The following TAMM41 variants were observed in gnomAD, a reference collection of about 807,000 sequenced individuals.
TAMM41 encodes phosphatidate cytidylyltransferase, mitochondrial.
TAMM41 carries 36 observed loss-of-function variants against 44.1 expected under a neutral mutation model. The ratio of observed to expected loss-of-function variants is 0.82; its 90% CI spans 0.63 to 1.08. The LOEUF is 1.08. Among genes scored for constraint, TAMM41 ranks in the 50% least tolerant of loss-of-function variants. The pLI, the probability that TAMM41 is intolerant of heterozygous loss-of-function variation, is 0.00. For missense variants in TAMM41, 417 were observed against 404.3 expected (o/e 1.03, Z -0.27); for synonymous variants, 164 against 153.1 (o/e 1.07, Z -0.53).
chr3:11,746,001 T>C, the TAMM41 span, among the ~76,000 whole-genome samples: 1 of 152,158 alleles, frequency 6.6e-6, no homozygotes, highest in African/African-American at 2.4e-5. Context: ...GCACTTTTTA[T>C]AAACATTTAA....
At chr3:11,770,304 A>T in the TAMM41 span, among the ~76,000 whole-genome samples, 21 of 152,050 alleles carry the variant, frequency 1.4e-4, no homozygotes, top group Non-Finnish European at 5.9e-5. Context: ...CCCCATAAAA[A>T]CATGCACCCT....
At chr3:11,781,186 T>G in the TAMM41 span, among the ~76,000 whole-genome samples, 2 of 152,210 alleles carry the variant, frequency 1.3e-5, no homozygotes, top group Non-Finnish European at 2.9e-5. Flanking sequence ...CCTGGAATTT[T>G]AGGGACTTTC....
At chr3:11,759,832 G>A in the TAMM41 span, among the ~76,000 whole-genome samples, 1 of 151,920 alleles carries the variant, frequency 6.6e-6, no homozygotes, top group African/African-American at 2.4e-5. Flanking sequence ...AAATTAGCTG[G>A]GCGTGGTGGC....
the TAMM41 span, among the ~76,000 whole-genome samples, chr3:11,758,987 A>T: frequency 2.0e-5 from 3 of 152,134 alleles, no homozygotes; most frequent in African/African-American, 7.2e-5. Context: ...AATATAATTT[A>T]CCCTCATATT....
chr3:11,763,500 G>A, the TAMM41 span, among the ~76,000 whole-genome samples: 2 of 152,164 alleles, frequency 1.3e-5, no homozygotes, highest in East Asian at 1.9e-4. Context: ...TCATGCAGTG[G>A]TCTGAAGGAG....
the TAMM41 span, among the ~76,000 whole-genome samples, chr3:11,748,953 C>T: frequency 1.4e-5 from 2 of 140,282 alleles, no homozygotes; most frequent in Non-Finnish European, 3.0e-5. Context: ...CACTCTGTCA[C>T]CCAGGGTGGA....
chr3:11,761,792 C>T, the TAMM41 span, among the ~76,000 whole-genome samples: 1 of 151,418 alleles, frequency 6.6e-6, no homozygotes, highest in Admixed American at 6.6e-5. Flanking sequence ...ACTAAAAATA[C>T]AAAAATTAGC....
intron 4 of TAMM41, among the ~76,000 whole-genome samples, chr3:11,821,829 C>A (rs1443089442): frequency 6.6e-6 from 1 of 152,092 alleles, no homozygotes; most frequent in Non-Finnish European, 1.5e-5. Flanking sequence ...CAATGGAGAT[C>A]CAGGTTGGGC....
rs116090379 is a variant in TAMM41 at position 11,792,186 on chromosome 3, G to T, written c.938-1605C>A. ...CACCATGTAGCCATTTTTTTTTTTT[G>T]TTGCTGCTAGTGGACAGAAATCTCC... On this transcript the variant is annotated intron_variant, in intron 7 of 7. Coordinates refer to ENST00000455809, the MANE Select transcript of TAMM41 (RefSeq NM_001284401.2). 5.5e-3 allele frequency among the ~76,000 whole-genome samples: 785 copies of T among 142,454 alleles called. 5 individuals carry two copies. Among genetic ancestry groups the T allele is most frequent in the Middle Eastern group, 0.038 (11 of 292 alleles). The allele number at this position is 142,454 out of a possible 152,430, so 93.5% of individuals were successfully genotyped here.
the TAMM41 span, among the ~76,000 whole-genome samples, chr3:11,753,369 G>C: frequency 6.6e-6 from 1 of 152,158 alleles, no homozygotes; most frequent in African/African-American, 2.4e-5. Flanking sequence ...GGGAGGCAAA[G>C]GATGCAGTGA....
At position 11,846,760 on chromosome 3, in the gene TAMM41, G is replaced by T; in HGVS notation, c.-124C>A. 2.4e-6 allele frequency: 3 copies of T among 1,270,776 alleles called. No individual in the cohort carries two copies. The highest frequency in any genetic ancestry group is 3.3e-6 in the Non-Finnish European group (3 of 905,546). The allele number at this position is 1,270,776 out of a possible 1,614,324, so 78.7% of individuals were successfully genotyped here. On this transcript the variant is annotated 5_prime_UTR_variant, in exon 1 of 8. Transcript: ENST00000455809. Reference sequence around the variant, plus strand: ...CGGAGACTGGATCGAGGGACACAAGGCTGAGTGTGGGGTGGGACTGCAAGC... The same window carrying T: ...CGGAGACTGGATCGAGGGACACAAGTCTGAGTGTGGGGTGGGACTGCAAGC...
At chr3:11,792,327 T>C (rs1220211253) in intron 7 of TAMM41, among the ~76,000 whole-genome samples, 2 of 152,220 alleles carry the variant, frequency 1.3e-5, no homozygotes, top group South Asian at 2.1e-4. Flanking sequence ...ACCTGGACTC[T>C]AGTTCCAGGT....
intron 7 of TAMM41, among the ~76,000 whole-genome samples, chr3:11,792,431 G>C (rs1010546867): frequency 6.6e-6 from 1 of 152,034 alleles, no homozygotes; most frequent in Non-Finnish European, 1.5e-5. Context: ...TCTAACAAGG[G>C]GTCCACAGAT....
chr3:11,740,075 C>CA, the TAMM41 span, among the ~76,000 whole-genome samples: 1 of 143,724 alleles, frequency 7.0e-6, no homozygotes, highest in Non-Finnish European at 1.5e-5. Context: ...CCACATAAGG[C>CA]AAAAAACAAA....
chr3:11,765,996 C>T, the TAMM41 span, among the ~76,000 whole-genome samples: 2 of 152,198 alleles, frequency 1.3e-5, no homozygotes, highest in African/African-American at 2.4e-5. Context: ...CAACCACACC[C>T]AGCCTGGAGT....
chr3:11,822,458 C>A (rs2078561383), intron 4 of TAMM41, among the ~76,000 whole-genome samples: 1 of 152,140 alleles, frequency 6.6e-6, no homozygotes, highest in Non-Finnish European at 1.5e-5. Context: ...TGATCACTCC[C>A]CAACTCCCTT....
At chr3:11,784,858 A>G in the TAMM41 span, among the ~76,000 whole-genome samples, 1 of 139,446 alleles carries the variant, frequency 7.2e-6, no homozygotes, top group Non-Finnish European at 1.5e-5. Flanking sequence ...GGTGGAGTGC[A>G]GTGGCGCAAT....
At chr3:11,783,169 C>T in the TAMM41 span, among the ~76,000 whole-genome samples, 1 of 152,210 alleles carries the variant, frequency 6.6e-6, no homozygotes, top group Non-Finnish European at 1.5e-5. Flanking sequence ...GTCACTTGGG[C>T]TCTGATATTA....
chr3:11,751,680 A>G, the TAMM41 span, among the ~76,000 whole-genome samples: 1 of 152,094 alleles, frequency 6.6e-6, no homozygotes, highest in African/African-American at 2.4e-5. Flanking sequence ...TGACCGGCTT[A>G]CCCCCGAAGT....
Sources: gnomAD v4.1 joint callset for allele counts (sites outside exome capture counted in the v4.1 genomes callset) on GRCh38, gnomAD v4.1.1 for gene constraint, MANE v1.5 for transcripts, NCBI Gene and HGNC (gene_info 2026-07-23, HGNC 2026-07-21) for gene names.